The following PCDH10 variants were observed in gnomAD, a reference collection of about 807,000 sequenced individuals.
PCDH10 encodes protocadherin 10.
In PCDH10, 15 loss-of-function variants were observed where a neutral mutation model predicts 74.4. The observed-to-expected ratio is 0.20, with a 90% CI of 0.13 to 0.31. The LOEUF (loss-of-function observed/expected upper bound fraction) is 0.31. Ranked by LOEUF, PCDH10 falls within the 10% of genes least tolerant of loss-of-function variation. PCDH10 has a pLI of 1.00. For synonymous variants in PCDH10, 619 were observed against 589.8 expected (o/e 1.05, Z -0.72); for missense variants, 1,260 against 1,390.2 (o/e 0.91, Z 1.49).
At chr4:133,205,194 A>ACAT (rs932677188) in intron 2 of PCDH10, among the ~76,000 whole-genome samples, 92 of 152,132 alleles carry the variant, frequency 6.0e-4, no homozygotes, top group African/African-American at 2.1e-3. Context: ...TGACGCCAAC[A>ACAT]CATAACAATG....
chr4:133,151,669 T>G lies in PCDH10; in HGVS notation c.1529T>G (p.Met510Arg). The G allele has an allele frequency of 6.2e-7, 1 of 1,613,706 alleles. No homozygotes were observed. The stretch of plus-strand genomic sequence containing the variant: ...ATCCTCGAGTGCCAGATCCAGGGCA[T>G]GAGCGTCTTCACCTACGTTTCTATC... Reference protein sequence around the residue: ...YSILECQIQGMSVFTYVSINS... With the variant: ...YSILECQIQGRSVFTYVSINS... Residue 510 changes from methionine (M) to arginine (R), a missense_variant, in exon 1 of 5, where the codon ATG becomes AGG. Physicochemically the swap from Met to Arg is moderately conservative, Grantham distance 91. Transcript: ENST00000264360.
At position 133,174,107 on chromosome 4, in the gene PCDH10, T is replaced by C. The variant is rs568758351; in HGVS notation, c.3103+10825T>C. ...ACTTTTGGTATCACGTCATCCTCTA[T>C]TGAAGTTTAAGGCAATCCATGGTGG... On this transcript the variant is annotated intron_variant, in intron 4 of 4. Coordinates refer to ENST00000264360, the MANE Select transcript of PCDH10 (RefSeq NM_032961.3). 2.6e-4 allele frequency among the ~76,000 whole-genome samples: 39 copies of C among 152,086 alleles called. No individual in the cohort carries two copies. In the South Asian group the frequency reaches 6.6e-3, roughly 26 times the overall value.
intron 4 of PCDH10, among the ~76,000 whole-genome samples, chr4:133,165,452 A>T (rs1317053596): frequency 6.6e-6 from 1 of 151,640 alleles, no homozygotes; most frequent in African/African-American, 2.4e-5. Flanking sequence ...ATTCCTGACC[A>T]TTTTGCCCCT....
intron 4 of PCDH10, 125 bp downstream of exon 4, chr4:133,163,407 T>A (rs912864992): frequency 1.3e-6 from 1 of 777,790 alleles, no homozygotes; most frequent in Admixed American, 2.6e-5. Flanking sequence ...AGTGACTGGA[T>A]GCTGGCAGCA....
chr4:133,174,636 A>T (rs1335992526), intron 4 of PCDH10, among the ~76,000 whole-genome samples: 1 of 151,156 alleles, frequency 6.6e-6, no homozygotes, highest in Non-Finnish European at 1.5e-5. Context: ...TTATATTATT[A>T]TATAAATATA....
Position 133,154,362 on chromosome 4 carries a change from A to G in PCDH10, c.2687A>G (p.Asn896Ser). 1 of 1,591,470 alleles carries G rather than the reference A, an allele frequency of 6.3e-7. No homozygotes were observed. The highest frequency in any genetic ancestry group is 2.2e-5 in the East Asian group (1 of 44,560). ...CTAGTTGACAGACCTCGCCGAGTTA[A>G]CAGGTATGGACTCTTTTTTTCCCTA... is the stretch of plus-strand genomic sequence containing the variant. ...SYLVDRPRRV[N>S]SSAFQEADIV... is the part of the protein sequence containing the mutation. The change falls in exon 2 of 5, where the codon AAC becomes AGC. Residue 896 changes from asparagine (N) to serine (S), a missense_variant. By Grantham distance (46) the Asn-to-Ser change is conservative. This residue lies in a region of PCDH10 where 587 missense variants were observed against 616.9 expected (regional missense o/e 0.95). Coordinates refer to ENST00000264360, the MANE Select transcript of PCDH10 (RefSeq NM_032961.3).
At chr4:133,153,232 A>G (rs1238510162) in intron 1 of PCDH10, 1 of 1,035,080 alleles carries the variant, frequency 9.7e-7, no homozygotes, top group Admixed American at 5.1e-5. Flanking sequence ...CAAGTAAGCT[A>G]TAGATTGTTT....
At position 133,151,882 on chromosome 4, in the gene PCDH10, G is replaced by A; in HGVS notation, c.1742G>A (p.Arg581His). ...APAIVAPLPGRNGTPAREVLP... is the reference protein window; with the variant it reads ...APAIVAPLPGHNGTPAREVLP... ...GCCATCGTGGCGCCTCTACCAGGGC[G>A]CAACGGGACTCCAGCGCGTGAGGTG... Residue 581 changes from arginine to histidine, a missense_variant, in exon 1 of 5, where the codon CGC (arginine) becomes CAC (histidine). Arg to His is a conservative substitution (Grantham distance 29). Transcript: ENST00000264360. The A allele has an allele frequency of 6.2e-7, 1 of 1,613,008 alleles. No homozygotes were observed. Among genetic ancestry groups the A allele is most frequent in the Non-Finnish European group, 8.5e-7 (1 of 1,179,986 alleles).
chr4:133,208,580 A>G (rs1490055306), exon 3 of PCDH10: 2 of 152,202 alleles, frequency 1.3e-5, no homozygotes, highest in South Asian at 4.1e-4. Flanking sequence ...GGCTTAAAAA[A>G]AATAAAGCTG....
chr4:133,153,522 A>C (rs1427165898), intron 1 of PCDH10: 1 of 152,442 alleles, frequency 6.6e-6, no homozygotes. Flanking sequence ...TGGATAAATC[A>C]CGCTGTTGGC....
intron 2 of PCDH10, among the ~76,000 whole-genome samples, chr4:133,201,444 G>T (rs1336618237): frequency 6.6e-6 from 1 of 152,102 alleles, no homozygotes; most frequent in Non-Finnish European, 1.5e-5. Context: ...AACAAAAAAG[G>T]CCACATTGGG....
chr4:133,202,934 G>T (rs969044), intron 2 of PCDH10, among the ~76,000 whole-genome samples: 1 of 151,942 alleles, frequency 6.6e-6, no homozygotes, highest in African/African-American at 2.4e-5. Context: ...CTGAGGAGAG[G>T]TGAGGCCACT....
At chr4:133,180,344 G>C (rs1030451702) in intron 4 of PCDH10, among the ~76,000 whole-genome samples, 3 of 152,048 alleles carry the variant, frequency 2.0e-5, no homozygotes, top group African/African-American at 2.4e-5. Flanking sequence ...TATGGCTGGA[G>C]GCAATTCACC....
In PCDH10 at chr4:133,151,931, T is replaced by A; in HGVS notation, c.1791T>A (p.Gly597=). ...REVLPRSAEP[G]YLLTRVAAVD... Reference sequence around the variant, plus strand: ...TGCTGCCCCGCTCGGCGGAGCCGGGTTACCTGCTCACCCGCGTGGCCGCCG... The same window carrying A: ...TGCTGCCCCGCTCGGCGGAGCCGGGATACCTGCTCACCCGCGTGGCCGCCG... The change falls in exon 1 of 5, where the codon GGT becomes GGA. Residue 597 remains glycine (G), a synonymous_variant. Transcript: ENST00000264360. The A allele has an allele frequency of 6.2e-7, 1 of 1,612,306 alleles. No homozygotes were observed. Among genetic ancestry groups the A allele is most frequent in the Non-Finnish European group, 8.5e-7 (1 of 1,179,648 alleles).
Position 133,152,696 on chromosome 4 carries a change from C to A in PCDH10, c.2556C>A (p.Pro852=). The change falls in exon 1 of 5, where the codon CCC becomes CCA. Residue 852 remains proline, a synonymous_variant. Transcript: ENST00000264360. ...PSRSTDTEHN[P]CGAIVTGYTD... is the part of the protein sequence containing the mutation. ...GGAGTACGGACACTGAGCACAACCCCTGCGGGGCCATCGTCACCGGTTACA... is the reference window on the plus strand; with the variant it reads ...GGAGTACGGACACTGAGCACAACCCATGCGGGGCCATCGTCACCGGTTACA... 4.3e-6 allele frequency: 7 copies of A among 1,614,218 alleles called. No homozygotes were observed. The highest frequency in any genetic ancestry group is 5.9e-6 in the Non-Finnish European group (7 of 1,180,048).
rs1169617488 is a variant in PCDH10, at chr4:133,152,352, G to C, written c.2212G>C (p.Val738Leu). ...IFLLAMIVLAVRCQKEKKLNI... is the reference protein window; with the variant it reads ...IFLLAMIVLALRCQKEKKLNI... ...CCTGCTGGCCATGATCGTGCTGGCC[G>C]TGCGTTGCCAAAAAGAGAAGAAGCT... The change falls in exon 1 of 5, where the codon GTG becomes CTG. Residue 738 changes from valine (V) to leucine (L), a missense_variant. Val to Leu is a conservative substitution (Grantham distance 32). Coordinates refer to ENST00000264360, the MANE Select transcript of PCDH10 (RefSeq NM_032961.3). The C allele has an allele frequency of 3.1e-5, 50 of 1,614,110 alleles. No homozygotes were observed. Among genetic ancestry groups the C allele is most frequent in the Non-Finnish European group, 4.2e-5 (50 of 1,180,052 alleles).
In PCDH10 at chr4:133,155,017, T is replaced by G. The variant is rs759773332; in HGVS notation, c.2791T>G (p.Ser931Ala). ...SDHDATNRAQ[S>A]AGMDLFSNCT... ...TCATGATGCCACCAACCGTGCCCAGTCAGCTGGTAAGTGTGATCAAAGGGC... is the reference window on the plus strand; with the variant it reads ...TCATGATGCCACCAACCGTGCCCAGGCAGCTGGTAAGTGTGATCAAAGGGC... The change falls in exon 3 of 5, where the codon TCA becomes GCA. Residue 931 changes from serine (S) to alanine (A), a missense_variant. Ser to Ala is a moderately conservative substitution (Grantham distance 99). This residue lies in a region of PCDH10 where 136 missense variants were observed against 149.3 expected (regional missense o/e 0.91). Coordinates refer to ENST00000264360, the MANE Select transcript of PCDH10 (RefSeq NM_032961.3). 6.2e-7 allele frequency: 1 copy of G among 1,603,310 alleles called. No individual in the cohort carries two copies. The highest frequency in any genetic ancestry group is 8.5e-7 in the Non-Finnish European group (1 of 1,170,136).
intron 4 of PCDH10, among the ~76,000 whole-genome samples, chr4:133,166,839 A>T (rs1727092670): frequency 6.6e-6 from 1 of 151,556 alleles, no homozygotes; most frequent in African/African-American, 2.4e-5. Context: ...TAAGAAACTC[A>T]ATACAATTAC....
At chr4:133,199,388 G>C (rs1171264502), downstream of PCDH10, among the ~76,000 whole-genome samples, 3 of 151,092 alleles carry the variant, frequency 2.0e-5, no homozygotes, top group South Asian at 6.3e-4. Context: ...ATTGGGGTAG[G>C]AAGAGACTAC....
Sources: allele counts gnomAD v4.1 joint callset (sites outside exome capture counted in the v4.1 genomes callset), GRCh38; gene constraint gnomAD v4.1.1; regional missense constraint gnomAD v4.1.1; transcripts MANE v1.5; gene names NCBI Gene and HGNC (gene_info 2026-07-23, HGNC 2026-07-21).